The following NMT1 variants were observed in gnomAD, a reference collection of about 807,000 sequenced individuals.
NMT1 encodes the protein N-myristoyltransferase 1.
Under a neutral mutation model 63.4 loss-of-function variants are expected in NMT1, and 12 were observed. That is an observed-to-expected ratio of 0.19 (90% CI 0.12 to 0.31). NMT1 has a LOEUF of 0.31. NMT1 is among the 10% of genes least tolerant of loss of function. NMT1 has a pLI of 1.00. For missense variants in NMT1, 432 were observed against 634.6 expected (o/e 0.68, Z 3.43); for synonymous variants, 228 against 234.3 (o/e 0.97, Z 0.25).
In NMT1 at chr17:45,103,553, A is replaced by T. The variant is rs1261836263; in HGVS notation, c.1165-156A>T. ...CTCTGTCCTCAAGTGCCCTGAGCCAATGTCCCTCCTCCTCCCCACATGTCC... is the reference window on the plus strand; with the variant it reads ...CTCTGTCCTCAAGTGCCCTGAGCCATTGTCCCTCCTCCTCCCCACATGTCC... On this transcript the variant is annotated intron_variant, in intron 9 of 11. Coordinates refer to ENST00000258960, the MANE Select transcript of NMT1 (RefSeq NM_021079.5). This position sits in a 1 kb window ranked among gnomAD's most constrained non-coding sequence, Gnocchi z 4.8. Among the ~76,000 whole-genome samples the T allele has an allele frequency of 6.6e-6, 1 of 152,100 alleles. No individual in the cohort carries two copies. The highest frequency in any genetic ancestry group is 1.5e-5 in the Non-Finnish European group (1 of 68,028).
intron 2 of NMT1, among the ~76,000 whole-genome samples, chr17:45,082,023 G>A (rs1455947571): frequency 6.6e-6 from 1 of 152,186 alleles, no homozygotes; most frequent in Non-Finnish European, 1.5e-5. Context: ...TGCTGTGCCA[G>A]TGCCCTGGGG....
Position 45,093,675 on chromosome 17 carries a change from C to T in NMT1, c.386-10C>T, listed in dbSNP as rs767355337. 9.3e-6 allele frequency: 15 copies of T among 1,612,972 alleles called. No homozygotes were observed. The highest frequency in any genetic ancestry group is 3.3e-5 in the Admixed American group (2 of 59,988). On this transcript the variant is annotated splice_polypyrimidine_tract_variant and intron_variant, in intron 3 of 11. Transcript: ENST00000258960. ...AAAGGGTGAGGCTCACAGCTGTGCT[C>T]TTCTTTCAGGCGAAGTGGTGAACAC...
intron 8 of NMT1, among the ~76,000 whole-genome samples, chr17:45,100,717 T>A (rs1386421961): frequency 8.0e-6 from 1 of 125,666 alleles, no homozygotes; most frequent in East Asian, 2.5e-4. Flanking sequence ...AAAAATTAGC[T>A]GGTCGTGGCG....
At chr17:45,101,774 C>T (rs1356910206) in intron 8 of NMT1, among the ~76,000 whole-genome samples, 1 of 152,172 alleles carries the variant, frequency 6.6e-6, no homozygotes, top group Non-Finnish European at 1.5e-5. Flanking sequence ...GGATTGATCA[C>T]TCTGAAATCA....
chr17:45,098,506 G>A lies in NMT1; in HGVS notation c.838G>A (p.Val280Ile). The change falls in exon 7 of 12, where the codon GTT (valine) becomes ATT (isoleucine). Residue 280 changes from valine to isoleucine, a missense_variant. Val to Ile is a conservative substitution (Grantham distance 29, BLOSUM62 3). This residue lies in a region of NMT1 where 295 missense variants were observed against 489.7 expected (regional missense o/e 0.60). Transcript: ENST00000258960. Reference protein sequence around the residue: ...RVHLEGIFQAVYTAGVVLPKP... With the variant: ...RVHLEGIFQAIYTAGVVLPKP... ...TCACCTGGAGGGCATCTTCCAAGCA[G>A]TTTACACTGCCGGGGTGGTACTACC... 3.7e-6 allele frequency: 6 copies of A among 1,614,240 alleles called. No homozygotes were observed. The highest frequency in any genetic ancestry group is 5.1e-6 in the Non-Finnish European group (6 of 1,180,038).
At chr17:45,070,566 C>A (rs889559996) in intron 1 of NMT1, among the ~76,000 whole-genome samples, 5 of 152,160 alleles carry the variant, frequency 3.3e-5, no homozygotes, top group Non-Finnish European at 7.4e-5. Flanking sequence ...TGTAGTCGCC[C>A]GTCACCACGC....
Position 45,106,009 on chromosome 17 carries a change from C to T in NMT1, c.*370C>T, listed in dbSNP as rs1656246291. On this transcript the variant is annotated 3_prime_UTR_variant, in exon 12 of 12. Transcript: ENST00000258960. ...AAATATTTTAAATATCTTTCATGTT[C>T]CAAATGTACAAGGATGTTTGGTCTT... 1 of 151,044 alleles carries T rather than the reference C, an allele frequency of 6.6e-6. No homozygotes were observed. The highest frequency in any genetic ancestry group is 2.1e-4 in the South Asian group (1 of 4,780). The allele number at this position is 151,044 out of a possible 1,614,324, so 9.4% of individuals were successfully genotyped here. A position where few individuals can be genotyped will look rare whatever the true frequency, so the allele number is the denominator to read the frequency against.
At position 45,104,927 on chromosome 17, in the gene NMT1, T is replaced by C; in HGVS notation, c.1401T>C (p.Phe467=). The part of the protein sequence containing the change: ...ENKTFLEKLK[F]GIGDGNLQYY... ...AAACCTTCCTGGAGAAGCTCAAGTT[T>C]GGCATAGGGGACGGCAACCTGCAGT... Residue 467 remains phenylalanine, a synonymous_variant, in exon 11 of 12, where the codon TTT becomes TTC. Transcript: ENST00000258960. The surrounding 1 kb of genome is among the most constrained non-coding windows in gnomAD (Gnocchi z 4.2). 6.2e-7 allele frequency: 1 copy of C among 1,614,154 alleles called. No homozygotes were observed.
At position 45,104,634 on chromosome 17, in the gene NMT1, G is replaced by A. The variant is rs116861786; in HGVS notation, c.1333-225G>A. On this transcript the variant is annotated intron_variant, in intron 10 of 11. Transcript: ENST00000258960. The surrounding 1 kb of genome is among the most constrained non-coding windows in gnomAD (Gnocchi z 4.2). ...CGGCCTGGACACTGAGTACATATGT[G>A]TACACTCTGAGGGACACTGGGCAGA... 4.4e-3 allele frequency: 6,124 copies of A among 1,394,992 alleles called. 16 individuals are homozygous for A. Among genetic ancestry groups the A allele is most frequent in the Non-Finnish European group, 4.8e-3 (5,140 of 1,074,506 alleles). 86.4% of individuals were successfully genotyped at this position (1,394,992 alleles called of 1,614,324 possible).
intron 3 of NMT1, among the ~76,000 whole-genome samples, chr17:45,092,920 C>T (rs1410412315): frequency 4.6e-5 from 7 of 152,086 alleles, no homozygotes; most frequent in Admixed American, 4.6e-4. Flanking sequence ...ATTGTAGAAC[C>T]GAAATCATCC....
chr17:45,078,955 G>A (rs1380950734), intron 1 of NMT1, among the ~76,000 whole-genome samples: 1 of 152,012 alleles, frequency 6.6e-6, no homozygotes, highest in African/African-American at 2.4e-5. Flanking sequence ...GACCCACCAT[G>A]CTGGACCTTT....
rs1488571639 is a variant in NMT1, at chr17:45,105,460, T to A, written c.1471-159T>A. ...GGTCTGATGGACGTGTGAACCCTGG[T>A]GTGGAGGTTGAGTGTGGGGCCGGCT... On this transcript the variant is annotated intron_variant, in intron 11 of 11. Transcript: ENST00000258960. The surrounding 1 kb of genome is among the most constrained non-coding windows in gnomAD (Gnocchi z 4.2). Among the ~76,000 whole-genome samples the A allele has an allele frequency of 6.6e-6, 1 of 151,994 alleles. No homozygotes were observed. Among genetic ancestry groups the A allele is most frequent in the African/African-American group, 2.4e-5 (1 of 41,364 alleles).
intron 8 of NMT1, among the ~76,000 whole-genome samples, chr17:45,101,598 A>C (rs2054166124): frequency 2.8e-5 from 4 of 142,908 alleles, no homozygotes; most frequent in Admixed American, 2.1e-4. Flanking sequence ...CAGCCTGGCG[A>C]CAGAGCAAGA....
At chr17:45,097,356 C>G (rs2054131901) in intron 6 of NMT1, 112 bp downstream of exon 6, 4 of 858,644 alleles carry the variant, frequency 4.7e-6, no homozygotes, top group Non-Finnish European at 7.9e-6. Context: ...GGGAAGGTCT[C>G]AGGAAGGGAG....
chr17:45,103,597 T>G lies in NMT1; in HGVS notation c.1165-112T>G. ...CATGTCCTGTTGCAGTTTCCAGCCA[T>G]TTATCTAGAGGGGCAGAGCTGCCTG... On this transcript the variant is annotated intron_variant, in intron 9 of 11. Transcript: ENST00000258960. This position sits in a 1 kb window ranked among gnomAD's most constrained non-coding sequence, Gnocchi z 4.8. 4.5e-6 allele frequency: 5 copies of G among 1,105,770 alleles called. No homozygotes were observed. The highest frequency in any genetic ancestry group is 6.5e-6 in the Non-Finnish European group (5 of 766,066). 68.5% of individuals were successfully genotyped at this position (1,105,770 alleles called of 1,614,324 possible).
rs1284171017 is a variant in NMT1, at chr17:45,081,769, G to A, written c.240+17G>A. 8 of 1,529,432 alleles carry A rather than the reference G, an allele frequency of 5.2e-6. No homozygotes were observed. In the African/African-American group the frequency reaches 7.0e-5, roughly 13 times the overall value. The allele number at this position is 1,529,432 out of a possible 1,614,324, so 94.7% of individuals were successfully genotyped here. ...CCTGTGAAGGTAACAAGGAGGTTCTGTTTTTTGTGACTCAGTCACTTTTTC... is the reference window on the plus strand; with the variant it reads ...CCTGTGAAGGTAACAAGGAGGTTCTATTTTTTGTGACTCAGTCACTTTTTC... On this transcript the variant is annotated intron_variant, in intron 2 of 11. Transcript: ENST00000258960.
At chr17:45,072,794 C>T (rs933386738) in intron 1 of NMT1, among the ~76,000 whole-genome samples, 3 of 135,156 alleles carry the variant, frequency 2.2e-5, no homozygotes, top group Non-Finnish European at 4.8e-5. Context: ...CTCCTGACGT[C>T]GTGATCCACC....
At chr17:45,078,404 C>T (rs923525247) in intron 1 of NMT1, among the ~76,000 whole-genome samples, 3 of 152,044 alleles carry the variant, frequency 2.0e-5, no homozygotes, top group Non-Finnish European at 4.4e-5. Context: ...GCATTCCTCC[C>T]AGGAACAGGA....
At chr17:45,079,189 C>T (rs1598007840) in intron 1 of NMT1, among the ~76,000 whole-genome samples, 1 of 151,892 alleles carries the variant, frequency 6.6e-6, no homozygotes, top group South Asian at 2.1e-4. Context: ...ACTGCAACCA[C>T]AGCCTCCCGG....
Sources: gnomAD v4.1 joint callset for allele counts (sites outside exome capture counted in the v4.1 genomes callset) on GRCh38, gnomAD v4.1.1 for gene constraint, gnomAD v4.1.1 regional missense constraint, Gnocchi (gnomAD v3.1) non-coding constraint, MANE v1.5 for transcripts, NCBI Gene and HGNC (gene_info 2026-07-23, HGNC 2026-07-21) for gene names.